The following PRKN variants were observed in gnomAD, a reference collection of about 807,000 sequenced individuals.
The protein encoded by PRKN is parkin RBR E3 ubiquitin protein ligase.
A neutral mutation model predicts 59.5 loss-of-function variants in PRKN; 56 were observed. That is an observed-to-expected ratio of 0.94 (90% CI 0.76 to 1.18). PRKN has a LOEUF of 1.18. Among genes scored for constraint, PRKN ranks in the 50% most tolerant of loss-of-function variants. The probability of loss-of-function intolerance (pLI) is 0.00; values close to 1 mark genes in which losing one functional copy is unlikely to be tolerated. For synonymous variants in PRKN, 250 were observed against 222.1 expected, an observed-to-expected ratio of 1.13 and a Z score of -1.12; for missense variants, 657 against 596.4, an observed-to-expected ratio of 1.10 and a Z score of -1.06.
chr6:161,616,238 C>A (rs749817046), intron 7 of PRKN, among the ~76,000 whole-genome samples: 6 of 152,152 alleles, frequency 3.9e-5, no homozygotes, highest in Admixed American at 6.5e-5. Flanking sequence ...ATTTCATTTG[C>A]GAAAGCAACA....
chr6:161,425,164 T>A (rs1314952744), intron 9 of PRKN, among the ~76,000 whole-genome samples: 2 of 152,122 alleles, frequency 1.3e-5, no homozygotes, highest in South Asian at 4.1e-4. Context: ...GGAAACTGCA[T>A]CCTGAGAGGC....
chr6:161,820,124 T>G (rs563060070), intron 6 of PRKN, among the ~76,000 whole-genome samples: 2 of 152,138 alleles, frequency 1.3e-5, no homozygotes, highest in Non-Finnish European at 2.9e-5. Context: ...TTAATAGTAA[T>G]TTAAACTTTT....
At position 161,769,062 on chromosome 6, in the gene PRKN, C is replaced by T. The variant is rs4432964; in HGVS notation, c.871+16710G>A. Reference sequence around the variant, plus strand: ...TTTTCACAAGCACGTATTTATGGAACGTTTTACATTTCTTATAATGTTAAT... The same window carrying T: ...TTTTCACAAGCACGTATTTATGGAATGTTTTACATTTCTTATAATGTTAAT... On this transcript the variant is annotated intron_variant, in intron 7 of 11. Transcript: ENST00000366898. Among the ~76,000 whole-genome samples the T allele has an allele frequency of 8.6e-3, 1,308 of 152,076 alleles. 20 individuals carry two copies. Among genetic ancestry groups the T allele is most frequent in the African/African-American group, 0.03 (1,250 of 41,468 alleles).
chr6:162,266,160 A>G (rs1029186512), intron 2 of PRKN, among the ~76,000 whole-genome samples: 3 of 152,080 alleles, frequency 2.0e-5, no homozygotes, highest in Non-Finnish European at 4.4e-5. Context: ...CTACCTTTCC[A>G]TGTTCAGGAC....
intron 6 of PRKN, among the ~76,000 whole-genome samples, chr6:161,870,067 A>G (rs1794281524): frequency 6.6e-6 from 1 of 152,228 alleles, no homozygotes; most frequent in Non-Finnish European, 1.5e-5. Flanking sequence ...TTGAGGGTAG[A>G]GGATAGAAAA....
chr6:162,697,500 A>T (rs1333563599), intron 1 of PRKN, among the ~76,000 whole-genome samples: 1 of 152,194 alleles, frequency 6.6e-6, no homozygotes, highest in Non-Finnish European at 1.5e-5. Flanking sequence ...ATTAATTTTT[A>T]AAATCCTGTA....
At chr6:162,307,138 G>A (rs1034433110) in intron 2 of PRKN, among the ~76,000 whole-genome samples, 10 of 152,086 alleles carry the variant, frequency 6.6e-5, no homozygotes, top group Non-Finnish European at 1.5e-5. Context: ...GGTGGCTTGT[G>A]CCTGTAATCC....
In PRKN at chr6:161,730,001, G is replaced by A. The variant is rs180994494; in HGVS notation, c.871+55771C>T. On this transcript the variant is annotated intron_variant, in intron 7 of 11. Coordinates refer to ENST00000366898, the MANE Select transcript of PRKN (RefSeq NM_004562.3). ...TTGCTGATGTGTTGCATTCTGATAT[G>A]TTGCATTCTTTCTGATGTGTTGCAT... Among the ~76,000 whole-genome samples, 4 of 152,162 alleles carry A rather than the reference G, an allele frequency of 2.6e-5. No homozygotes were observed. The East Asian group carries it at 7.7e-4, about 29-fold the overall frequency.
chr6:162,391,065 T>A (rs2128144688), intron 2 of PRKN, among the ~76,000 whole-genome samples: 1 of 152,290 alleles, frequency 6.6e-6, no homozygotes, highest in African/African-American at 2.4e-5. Context: ...CGCTGTAAAC[T>A]CACGTGGAAA....
chr6:162,128,082 C>G (rs1172379491), intron 4 of PRKN, among the ~76,000 whole-genome samples: 1 of 152,202 alleles, frequency 6.6e-6, no homozygotes. Flanking sequence ...CTTATTTCCT[C>G]CAGAACTTTC....
chr6:162,174,436 A>C (rs1783440878), intron 4 of PRKN, among the ~76,000 whole-genome samples: 1 of 152,154 alleles, frequency 6.6e-6, no homozygotes, highest in Non-Finnish European at 1.5e-5. Context: ...CTGAGTGCAC[A>C]CAGAACCAAA....
intron 1 of PRKN, among the ~76,000 whole-genome samples, chr6:162,692,204 A>G (rs1418955145): frequency 4.6e-5 from 7 of 151,836 alleles, no homozygotes; most frequent in Non-Finnish European, 1.0e-4. Context: ...ATGGTTGTCC[A>G]GACAGTTGAA....
intron 7 of PRKN, among the ~76,000 whole-genome samples, chr6:161,774,634 C>A (rs1459937867): frequency 1.3e-5 from 2 of 152,170 alleles, no homozygotes; most frequent in African/African-American, 2.4e-5. Flanking sequence ...CAGAAGATGG[C>A]AGGATTCGGG....
chr6:161,621,352 C>A (rs1782890450), intron 7 of PRKN, among the ~76,000 whole-genome samples: 1 of 152,060 alleles, frequency 6.6e-6, no homozygotes. Flanking sequence ...AACCTTGGAA[C>A]CAGAGAAGCT....
chr6:162,362,796 A>G (rs1205158464), intron 2 of PRKN, among the ~76,000 whole-genome samples: 1 of 152,090 alleles, frequency 6.6e-6, no homozygotes, highest in Non-Finnish European at 1.5e-5. Context: ...TATTTCACAA[A>G]AAGTTATCCT....
chr6:161,904,795 A>T (rs1778082289), intron 6 of PRKN, among the ~76,000 whole-genome samples: 1 of 151,886 alleles, frequency 6.6e-6, no homozygotes, highest in African/African-American at 2.4e-5. Flanking sequence ...GGCCAGCAAG[A>T]TGGGGTTGTG....
chr6:162,059,689 G>A (rs1268967663), intron 4 of PRKN, among the ~76,000 whole-genome samples: 1 of 152,048 alleles, frequency 6.6e-6, no homozygotes, highest in Non-Finnish European at 1.5e-5. Flanking sequence ...AAAGATATCT[G>A]AATAAAATGT....
chr6:162,558,212 G>A (rs928280314), intron 1 of PRKN, among the ~76,000 whole-genome samples: 42 of 152,004 alleles, frequency 2.8e-4, no homozygotes, highest in African/African-American at 8.5e-4. Context: ...ATATTATCAG[G>A]AATCTCAAAG....
At chr6:161,672,863 CTT>C (rs887673882) in intron 7 of PRKN, among the ~76,000 whole-genome samples, 26 of 152,166 alleles carry the variant, frequency 1.7e-4, no homozygotes, top group African/African-American at 6.3e-4. Context: ...CACAAGAACT[CTT>C]GAGTCTCTGA....
Sources: allele counts gnomAD v4.1 joint callset (sites outside exome capture counted in the v4.1 genomes callset), GRCh38; gene constraint gnomAD v4.1.1; transcripts MANE v1.5; gene names NCBI Gene and HGNC (gene_info 2026-07-23, HGNC 2026-07-21).